The following SYCP1 variants were observed in gnomAD, a reference collection of about 807,000 sequenced individuals.
SYCP1 encodes the protein cancer/testis antigen 8.
SYCP1 carries 64 observed loss-of-function variants against 153.1 expected under a neutral mutation model. The ratio of observed to expected loss-of-function variants is 0.42; its 90% confidence interval spans 0.34 to 0.51. The LOEUF (loss-of-function observed/expected upper bound fraction) is 0.51. Among genes scored for constraint, SYCP1 ranks in the 20% least tolerant of loss-of-function variants. The pLI is 0.06. For missense variants in SYCP1, 997 were observed against 1,049.0 expected, an observed-to-expected ratio of 0.95 and a Z score of 0.68; for synonymous variants, 384 against 341.8, an observed-to-expected ratio of 1.12 and a Z score of -1.36.
intron 27 of SYCP1, among the ~76,000 whole-genome samples, chr1:114,961,326 G>A (rs1449792184): frequency 6.6e-6 from 1 of 151,812 alleles, no homozygotes; most frequent in Non-Finnish European, 1.5e-5. Context: ...TGTATTTTTT[G>A]TTTCAATTTC....
At chr1:114,857,160 G>GAAAAAAAAAAAAAAAA in intron 3 of SYCP1, 72 bp from the exon 4 acceptor site, 1 of 592,974 alleles carries the variant, frequency 1.7e-6, no homozygotes, top group Non-Finnish European at 2.4e-6. Context: ...AAAAAAAAGA[G>GAAAAAAAAAAAAAAAA]AAAAAAGAAA....
At chr1:114,948,587 A>G (rs771736521) in intron 27 of SYCP1, among the ~76,000 whole-genome samples, 1 of 152,144 alleles carries the variant, frequency 6.6e-6, no homozygotes, top group Non-Finnish European at 1.5e-5. Flanking sequence ...TTGTGAGCTT[A>G]CTATATATGT....
chr1:114,909,552 GTATT>G (rs1668046776), intron 16 of SYCP1, among the ~76,000 whole-genome samples: 1 of 130,770 alleles, frequency 7.6e-6, no homozygotes, highest in African/African-American at 2.9e-5. Flanking sequence ...ATGTATTTAT[GTATT>G]TTGTCCAGAG....
At chr1:114,875,335 AC>A (rs1482908375) in intron 9 of SYCP1, among the ~76,000 whole-genome samples, 3 of 142,754 alleles carry the variant, frequency 2.1e-5, no homozygotes, top group African/African-American at 7.9e-5. Context: ...ACCTCGGCTC[AC>A]TGCAAGCTCC....
chr1:114,911,559 A>C lies in SYCP1; in HGVS notation c.1506A>C (p.Leu502=). The change falls in exon 18 of 32, where the codon CTA becomes CTC. Residue 502 remains leucine, a synonymous_variant. Transcript: ENST00000369522. ...ATTATTCAAAAGAGGTTAAAGATCTAAAAACTGAGCTTGAAAACGAGAAGT... is the reference window on the plus strand; with the variant it reads ...ATTATTCAAAAGAGGTTAAAGATCTCAAAACTGAGCTTGAAAACGAGAAGT... ...EQYYSKEVKD[L]KTELENEKLK... 6.6e-7 allele frequency: 1 copy of C among 1,506,728 alleles called. No individual in the cohort carries two copies. Among genetic ancestry groups the C allele is most frequent in the Non-Finnish European group, 8.9e-7 (1 of 1,128,852 alleles). The allele number at this position is 1,506,728 out of a possible 1,614,324, so 93.3% of individuals were successfully genotyped here. A position where few individuals can be genotyped will look rare whatever the true frequency, so the allele number is the denominator to read the frequency against.
In SYCP1 at chr1:114,995,215, T is replaced by A. The variant is rs1437687109; in HGVS notation, c.*196T>A. 4.5e-6 allele frequency: 2 copies of A among 447,260 alleles called. No homozygotes were observed. Among genetic ancestry groups the A allele is most frequent in the Non-Finnish European group, 7.6e-6 (2 of 262,610 alleles). The allele number at this position is 447,260 out of a possible 1,614,324, so 27.7% of individuals were successfully genotyped here. Reference sequence around the variant, plus strand: ...CTGGAAACCTGTCATTGTATTCAGATAATTAGATGATTATATATTGTTGTT... The same window carrying A: ...CTGGAAACCTGTCATTGTATTCAGAAAATTAGATGATTATATATTGTTGTT... On this transcript the variant is annotated 3_prime_UTR_variant, in exon 32 of 32. Transcript: ENST00000369522.
chr1:114,907,743 G>C (rs1667910899), intron 16 of SYCP1, among the ~76,000 whole-genome samples: 1 of 151,832 alleles, frequency 6.6e-6, no homozygotes, highest in Non-Finnish European at 1.5e-5. Flanking sequence ...CATGACGCCT[G>C]GCTAATTTTT....
chr1:114,994,506 TTTTCTTTG>T (rs1674142041), intron 30 of SYCP1, among the ~76,000 whole-genome samples, 184 bp from the exon 31 acceptor site: 1 of 151,390 alleles, frequency 6.6e-6, no homozygotes, highest in African/African-American at 2.4e-5. Context: ...TTTGTTACTG[TTTTCTTTG>T]TTTGGTCTTC....
At chr1:114,859,349 A>T (rs1419106204) in intron 6 of SYCP1, among the ~76,000 whole-genome samples, 9 of 152,206 alleles carry the variant, frequency 5.9e-5, no homozygotes, top group Non-Finnish European at 1.3e-4. Context: ...GGCCTCCCAA[A>T]GTGCTGGGAT....
intron 27 of SYCP1, among the ~76,000 whole-genome samples, chr1:114,953,381 T>C (rs985475084): frequency 5.3e-5 from 8 of 152,264 alleles, no homozygotes; most frequent in Non-Finnish European, 1.2e-4. Context: ...GTCTAAGAAC[T>C]CTTTCCCTAG....
chr1:114,946,832 C>G (rs767544071), intron 26 of SYCP1, among the ~76,000 whole-genome samples: 1 of 152,080 alleles, frequency 6.6e-6, no homozygotes, highest in Non-Finnish European at 1.5e-5. Context: ...CTCCACCTCC[C>G]GGGTTCAAGC....
At chr1:114,963,020 G>A (rs60948433) in intron 27 of SYCP1, among the ~76,000 whole-genome samples, 58,622 of 152,044 alleles carry the variant, frequency 0.39, 12,517 homozygotes, top group East Asian at 0.5. Context: ...AGCTTGTAAG[G>A]TTTCTGCTGA....
At chr1:114,897,672 CAAG>C (rs1667162002) in intron 16 of SYCP1, among the ~76,000 whole-genome samples, 1 of 152,070 alleles carries the variant, frequency 6.6e-6, no homozygotes, top group Admixed American at 6.5e-5. Flanking sequence ...AAGGAAAAAA[CAAG>C]GTTTTTTTCC....
intron 30 of SYCP1, among the ~76,000 whole-genome samples, chr1:114,986,990 G>A (rs1339548207): frequency 2.0e-5 from 3 of 151,938 alleles, no homozygotes; most frequent in Non-Finnish European, 4.4e-5. Flanking sequence ...GGGGGCAATA[G>A]GACTTGTCCT....
intron 12 of SYCP1, among the ~76,000 whole-genome samples, chr1:114,882,125 C>G (rs1665992593): frequency 6.6e-6 from 1 of 152,088 alleles, no homozygotes; most frequent in Non-Finnish European, 1.5e-5. Flanking sequence ...TTCGAGGTTA[C>G]AGTGAGCTAT....
intron 8 of SYCP1, among the ~76,000 whole-genome samples, chr1:114,862,643 T>C (rs1664459064): frequency 6.6e-6 from 1 of 152,184 alleles, no homozygotes; most frequent in African/African-American, 2.4e-5. Flanking sequence ...TGGGCGATAG[T>C]TCTTTCTTAC....
At chr1:114,897,750 A>G (rs1667165799) in intron 16 of SYCP1, among the ~76,000 whole-genome samples, 1 of 152,220 alleles carries the variant, frequency 6.6e-6, no homozygotes, top group Non-Finnish European at 1.5e-5. Context: ...ATGGCTACTC[A>G]TCTAGAAAAA....
At position 114,960,378 on chromosome 1, in the gene SYCP1, G is replaced by A. The variant is rs146225362; in HGVS notation, c.2322+13058G>A. Among the ~76,000 whole-genome samples the A allele has an allele frequency of 3.6e-4, 55 of 152,190 alleles. 1 individual carries two copies. The highest frequency in any genetic ancestry group is 1.3e-3 in the African/African-American group (52 of 41,536). On this transcript the variant is annotated intron_variant, in intron 27 of 31. Transcript: ENST00000369522. ...AGATGGGGTTTTGCCATGTTGGCCA[G>A]GCTTGTCTCGAACTCCTGACCTCAG...
At chr1:114,942,121 T>C (rs1670428458) in intron 23 of SYCP1, among the ~76,000 whole-genome samples, 1 of 151,936 alleles carries the variant, frequency 6.6e-6, no homozygotes, top group African/African-American at 2.4e-5. Flanking sequence ...CTAAAGAATA[T>C]TGGACACATA....
Sources: gnomAD v4.1 joint callset for allele counts (sites outside exome capture counted in the v4.1 genomes callset) on GRCh38, gnomAD v4.1.1 for gene constraint, MANE v1.5 for transcripts, NCBI Gene and HGNC (gene_info 2026-07-23, HGNC 2026-07-21) for gene names.